KLHL10: variants seen among roughly 807,000 people sequenced by gnomAD.
KLHL10 encodes kelch like family member 10.
A neutral mutation model predicts 46.6 loss-of-function variants in KLHL10; 11 were observed. That is an observed-to-expected ratio of 0.24 (90% CI 0.15 to 0.39). The LOEUF (loss-of-function observed/expected upper bound fraction) is 0.39. Among genes scored for constraint, KLHL10 ranks in the 10% least tolerant of loss-of-function variants. KLHL10 has a pLI of 1.00. For synonymous variants in KLHL10, 254 were observed against 279.1 expected (o/e 0.91, Z 0.90); for missense variants, 475 against 789.8 (o/e 0.60, Z 4.78).
chr17:41,839,993 C>G (rs1365945674), intron 1 of KLHL10, among the ~76,000 whole-genome samples: 1 of 152,120 alleles, frequency 6.6e-6, no homozygotes, highest in Non-Finnish European at 1.5e-5. Context: ...AATTCTCCTG[C>G]CTCAGCCTCC....
upstream of KLHL10, among the ~76,000 whole-genome samples, chr17:41,837,202 G>A (rs1430003863): frequency 6.6e-5 from 10 of 152,138 alleles, no homozygotes; most frequent in Admixed American, 6.5e-4. Flanking sequence ...GTCTCACTCT[G>A]TCGCCAGGCT....
At chr17:41,844,979 G>A (rs782676358) in intron 2 of KLHL10, 147 bp from the exon 3 acceptor site, 13 of 987,962 alleles carry the variant, frequency 1.3e-5, no homozygotes, top group Non-Finnish European at 1.9e-5. Flanking sequence ...CCTCAAAATC[G>A]ACTATTTAAA....
rs370040566 is a variant in KLHL10 at position 41,844,618 on chromosome 17, G to A, written c.685-508G>A. ...GGCTGGAGTGCAGTAGGGTGATCTC[G>A]GCTCACTGCAACCTCTGCCTCCCTG... On this transcript the variant is annotated intron_variant, in intron 2 of 4. Coordinates refer to ENST00000293303, the MANE Select transcript of KLHL10 (RefSeq NM_152467.5). Among the ~76,000 whole-genome samples the A allele has an allele frequency of 1.0e-3, 149 of 144,600 alleles. 1 individual carries two copies. In the Middle Eastern group the frequency reaches 0.015, roughly 15 times the overall value. 94.9% of individuals were successfully genotyped at this position (144,600 alleles called of 152,430 possible). A position where few individuals can be genotyped will look rare whatever the true frequency, so the allele number is the denominator to read the frequency against.
In KLHL10 at chr17:41,837,908, CCT is replaced by C. The variant is rs2048183355; in HGVS notation, c.-19_-18del. The C allele has an allele frequency of 6.2e-7, 1 of 1,612,618 alleles. No homozygotes were observed. The highest frequency in any genetic ancestry group is 1.7e-5 in the Admixed American group (1 of 60,000). On this transcript the variant is annotated 5_prime_UTR_variant, in exon 1 of 5. Transcript: ENST00000293303. Reference sequence around the variant, plus strand: ...CCTCCCCGACACCCTAGGAAAGCAGCCTCTCTCCGCTGTCCCAGGGTGCCATG... The same window carrying C: ...CCTCCCCGACACCCTAGGAAAGCAGCCTCTCCGCTGTCCCAGGGTGCCATG...
chr17:41,835,849 C>CGTTA (rs1567864871), upstream of KLHL10: 4 of 1,604,674 alleles, frequency 2.5e-6, no homozygotes, highest in Non-Finnish European at 3.4e-6. Flanking sequence ...CCCGCACGCC[C>CGTTA]CAGAGGTACC....
intron 2 of KLHL10, among the ~76,000 whole-genome samples, chr17:41,842,960 A>G (rs2048242006): frequency 6.6e-6 from 1 of 151,506 alleles, no homozygotes; most frequent in Non-Finnish European, 1.5e-5. Context: ...AAAAAAAATT[A>G]TAAAATTTAA....
In KLHL10 at chr17:41,845,701, C is replaced by G. The variant is rs782149818; in HGVS notation, c.1260C>G (p.His420Gln). The stretch of plus-strand genomic sequence containing the variant: ...AATGGACACTCATCGCCCCCATGCA[C>G]GAACAGAGGAGTGATGCAAGCGCCA... ...TNQWTLIAPM[H>Q]EQRSDASATT... is the part of the protein sequence containing the mutation. Residue 420 changes from histidine to glutamine, a missense_variant, in exon 3 of 5, where the codon CAC becomes CAG. By Grantham distance (24) the His-to-Gln change is conservative. Coordinates refer to ENST00000293303, the MANE Select transcript of KLHL10 (RefSeq NM_152467.5). 3 of 1,612,788 alleles carry G rather than the reference C, an allele frequency of 1.9e-6. No homozygotes were observed. Among genetic ancestry groups the G allele is most frequent in the Non-Finnish European group, 2.5e-6 (3 of 1,179,302 alleles).
chr17:41,848,189 G>C lies in KLHL10; in HGVS notation c.1709G>C (p.Cys570Ser). ...ATATACCGCAGTGCTCTGAGCTGCT[G>C]TGTAGTACCAGGGCTGGCCAATGTT... ...MSIYRSALSC[C>S]VVPGLANVEE... Residue 570 changes from cysteine (C) to serine (S), a missense_variant, in exon 5 of 5, where the codon TGT becomes TCT. Physicochemically the swap from Cys to Ser is moderately radical, Grantham distance 112. Coordinates refer to ENST00000293303, the MANE Select transcript of KLHL10 (RefSeq NM_152467.5). 1 of 1,614,190 alleles carries C rather than the reference G, an allele frequency of 6.2e-7. No homozygotes were observed. The highest frequency in any genetic ancestry group is 1.1e-5 in the South Asian group (1 of 91,076).
intron 4 of KLHL10, among the ~76,000 whole-genome samples, chr17:41,847,637 C>T (rs1555621613): frequency 6.6e-6 from 1 of 152,086 alleles, no homozygotes; most frequent in Non-Finnish European, 1.5e-5. Flanking sequence ...TCCCGAGCAG[C>T]TGGGACTACC....
rs150706383 is a variant in KLHL10 at position 41,845,321 on chromosome 17, T to C, written c.880T>C (p.Phe294Leu). ...ACCACGCTTGCCCTATGCCATCCTC[T>C]TTGCAATTGGTGGCTGGAGTGGTGG... ...TRPRLPYAIL[F>L]AIGGWSGGSP... Residue 294 changes from phenylalanine (F) to leucine (L), a missense_variant, in exon 3 of 5, where the codon TTT becomes CTT. Coordinates refer to ENST00000293303, the MANE Select transcript of KLHL10 (RefSeq NM_152467.5). 29 of 1,614,218 alleles carry C rather than the reference T, an allele frequency of 1.8e-5. No individual in the cohort carries two copies. The East Asian group carries it at 6.5e-4, about 36-fold the overall frequency.
chr17:41,841,778 G>A, intron 1 of KLHL10, 45 bp from the exon 2 acceptor site: 1 of 1,613,606 alleles, frequency 6.2e-7, no homozygotes, highest in South Asian at 1.1e-5. Flanking sequence ...TCACCTAACA[G>A]GAGAGAAATG....
intron 2 of KLHL10, 115 bp downstream of exon 2, chr17:41,842,427 T>C: frequency 6.9e-6 from 9 of 1,305,420 alleles, no homozygotes; most frequent in Admixed American, 1.9e-5. Context: ...AGGCATCTAC[T>C]ATTCTCTGGA....
At position 41,848,030 on chromosome 17, in the gene KLHL10, G is replaced by A. The variant is rs1339520815; in HGVS notation, c.1550G>A (p.Arg517His). 4 of 1,614,174 alleles carry A rather than the reference G, an allele frequency of 2.5e-6. No individual in the cohort carries two copies. Among genetic ancestry groups the A allele is most frequent in the Non-Finnish European group, 3.4e-6 (4 of 1,180,032 alleles). The change falls in exon 5 of 5, where the codon CGT (arginine) becomes CAT (histidine). Residue 517 changes from arginine to histidine, a missense_variant. By Grantham distance (29) the Arg-to-His change is conservative (BLOSUM62 0). Transcript: ENST00000293303. ...WRTIPTMFNP[R>H]SNFGIEVVDD... is the part of the protein sequence containing the mutation. ...ACAATCCCCACTATGTTTAATCCTC[G>A]TAGCAATTTTGGCATCGAGGTGGTG...
chr17:41,835,970 C>G (rs782389715), upstream of KLHL10: 2 of 1,567,730 alleles, frequency 1.3e-6, no homozygotes, highest in South Asian at 1.2e-5. Context: ...GTCCCGAGAC[C>G]CGAGAGAACC....
chr17:41,845,954 G>C (rs191321413), intron 3 of KLHL10, among the ~76,000 whole-genome samples: 3 of 152,140 alleles, frequency 2.0e-5, no homozygotes, highest in Non-Finnish European at 2.9e-5. Flanking sequence ...GCTCAAGCCC[G>C]TAATCCCAGC....
chr17:41,848,354 C>T lies in KLHL10; in HGVS notation c.*47C>T, dbSNP rs1567871464. ...AAAGTCTAAGCAATAAGAATTAATT[C>T]TTTTTTTAAAAAAATGCAGTGTTTA... On this transcript the variant is annotated 3_prime_UTR_variant, in exon 5 of 5. Transcript: ENST00000293303. The T allele has an allele frequency of 1.9e-6, 3 of 1,579,174 alleles. No individual in the cohort carries two copies. The highest frequency in any genetic ancestry group is 1.1e-5 in the South Asian group (1 of 88,498).
At chr17:41,847,235 T>C in intron 3 of KLHL10, 26 bp from the exon 4 acceptor site, 1 of 1,612,494 alleles carries the variant, frequency 6.2e-7, no homozygotes, top group East Asian at 2.2e-5. Context: ...GTGGGAATTT[T>C]AATAATCTTG....
chr17:41,836,002 G>GGCCCGAGGGGA, upstream of KLHL10: 1 of 1,490,772 alleles, frequency 6.7e-7, no homozygotes, highest in Non-Finnish European at 9.0e-7. Flanking sequence ...CGCCACGCTG[G>GGCCCGAGGGGA]GCCCGAGGGG....
At chr17:41,837,588 GGTGA>G, upstream of KLHL10, 1 of 1,127,418 alleles carries the variant, frequency 8.9e-7, no homozygotes. Context: ...ACCTGTATCA[GGTGA>G]GTAACAGGAG....
Sources: allele counts gnomAD v4.1 joint callset (sites outside exome capture counted in the v4.1 genomes callset), GRCh38; gene constraint gnomAD v4.1.1; transcripts MANE v1.5; gene names NCBI Gene and HGNC (gene_info 2026-07-23, HGNC 2026-07-21).